The following REV1 variants were observed in gnomAD, a reference collection of about 807,000 sequenced individuals.
REV1 encodes translesion synthesis protein REV1.
REV1 carries 42 observed loss-of-function variants against 137.4 expected under a neutral mutation model. The ratio of observed to expected loss-of-function variants is 0.31; its 90% confidence interval spans 0.24 to 0.40. The LOEUF (loss-of-function observed/expected upper bound fraction) is 0.40. Ranked by LOEUF, REV1 falls within the 10% of genes least tolerant of loss-of-function variation. The pLI, the probability that REV1 is intolerant of heterozygous loss-of-function variation, is 1.00. For synonymous variants in REV1, 524 were observed against 519.2 expected (o/e 1.01, Z -0.12); for missense variants, 1,282 against 1,490.1 (o/e 0.86, Z 2.30).
intron 18 of REV1, among the ~76,000 whole-genome samples, 166 bp from the exon 19 acceptor site, chr2:99,403,981 G>C (rs574017444): frequency 6.6e-6 from 1 of 150,508 alleles, no homozygotes; most frequent in South Asian, 2.1e-4. Context: ...AAAATGGTTA[G>C]AGCAAGAATA....
intron 8 of REV1, chr2:99,432,007 G>T: frequency 1.5e-6 from 1 of 688,002 alleles, no homozygotes; most frequent in Non-Finnish European, 1.8e-6. Context: ...TTGTTCTTTA[G>T]AATGAAAACT....
In REV1 at chr2:99,401,156, C is replaced by G. The variant is rs889505116; in HGVS notation, c.*85G>C. Reference sequence around the variant, plus strand: ...AAGAAATTTAAAATTATAAAAACTCCGAGCATTACTATCATGCACTTTGCA... The same window carrying G: ...AAGAAATTTAAAATTATAAAAACTCGGAGCATTACTATCATGCACTTTGCA... On this transcript the variant is annotated 3_prime_UTR_variant, in exon 23 of 23. Transcript: ENST00000258428. The G allele has an allele frequency of 1.7e-5, 12 of 719,740 alleles. No homozygotes were observed. The South Asian group carries it at 2.8e-4, about 17-fold the overall frequency. The allele number at this position is 719,740 out of a possible 1,614,324, so 44.6% of individuals were successfully genotyped here.
intron 1 of REV1, among the ~76,000 whole-genome samples, chr2:99,481,257 T>C (rs929258851): frequency 2.0e-5 from 3 of 152,208 alleles, no homozygotes; most frequent in Non-Finnish European, 2.9e-5. Flanking sequence ...AATACCAAAA[T>C]TCAGATTTTT....
intron 1 of REV1, among the ~76,000 whole-genome samples, chr2:99,479,281 T>G (rs374544002): frequency 3.5e-5 from 5 of 143,468 alleles, no homozygotes; most frequent in African/African-American, 1.3e-4. Flanking sequence ...CAGCCGAGAT[T>G]AGGCTACTGC....
At chr2:99,401,415 CCT>C (rs943784973) in intron 22 of REV1, 63 bp from the exon 23 acceptor site, 5 of 1,073,658 alleles carry the variant, frequency 4.7e-6, no homozygotes, top group Non-Finnish European at 6.8e-6. Context: ...ACTAATTATT[CCT>C]TTTTATATAT....
chr2:99,454,116 C>G (rs933249279), intron 3 of REV1, among the ~76,000 whole-genome samples: 1 of 151,558 alleles, frequency 6.6e-6, no homozygotes, highest in South Asian at 2.1e-4. Flanking sequence ...TAACCTCAAC[C>G]TCCTGGTTCA....
At chr2:99,465,218 T>C (rs549352946) in intron 1 of REV1, among the ~76,000 whole-genome samples, 3 of 152,336 alleles carry the variant, frequency 2.0e-5, no homozygotes, top group African/African-American at 7.2e-5. Flanking sequence ...ATATTTAAAA[T>C]TCAATAGAAA....
At chr2:99,435,659 G>T in intron 7 of REV1, 175 bp downstream of exon 7, 1 of 476,346 alleles carries the variant, frequency 2.1e-6, no homozygotes, top group Non-Finnish European at 3.7e-6. Flanking sequence ...CCTATAGGGA[G>T]AAAGAAAAAC....
intron 12 of REV1, among the ~76,000 whole-genome samples, chr2:99,415,768 G>A (rs894383300): frequency 6.6e-6 from 1 of 152,240 alleles, no homozygotes; most frequent in African/African-American, 2.4e-5. Context: ...GGGATAGAGA[G>A]GGAATCCATA....
intron 12 of REV1, among the ~76,000 whole-genome samples, chr2:99,417,482 T>C (rs942478915): frequency 6.6e-6 from 1 of 152,076 alleles, no homozygotes; most frequent in Non-Finnish European, 1.5e-5. Flanking sequence ...CTTTAAAGGG[T>C]AATTAAGATA....
In REV1 at chr2:99,403,804, C is replaced by T. The variant is rs1675866134; in HGVS notation, c.3057G>A (p.Glu1019=). The T allele has an allele frequency of 6.2e-7, 1 of 1,614,126 alleles. No individual in the cohort carries two copies. The highest frequency in any genetic ancestry group is 8.5e-7 in the Non-Finnish European group (1 of 1,180,020). Residue 1019 remains glutamate, a synonymous_variant, in exon 19 of 23, where the codon GAG becomes GAA. Transcript: ENST00000258428. ...GTTCAGCAGGAAGGGCAGCAAATAC[C>T]TCAGGGTCCACCTAGTGGAAAAGAC... ...ALPAFSQVDP[E]VFAALPAELQ...
intron 8 of REV1, among the ~76,000 whole-genome samples, chr2:99,432,814 T>G (rs957547464): frequency 6.6e-6 from 1 of 152,216 alleles, no homozygotes; most frequent in Non-Finnish European, 1.5e-5. Context: ...GTGACTAAAC[T>G]GATGAAGACA....
chr2:99,471,828 T>C (rs1197030312), intron 1 of REV1, among the ~76,000 whole-genome samples: 1 of 143,850 alleles, frequency 7.0e-6, no homozygotes, highest in Non-Finnish European at 1.5e-5. Flanking sequence ...TTAATCACTA[T>C]GGAAATGCAA....
chr2:99,448,596 C>T (rs1195356772), intron 4 of REV1, among the ~76,000 whole-genome samples: 2 of 152,192 alleles, frequency 1.3e-5, no homozygotes, highest in Admixed American at 6.5e-5. Context: ...TGATGTATTA[C>T]CATGCTAAAA....
intron 15 of REV1, 116 bp from the exon 16 acceptor site, chr2:99,406,606 T>A (rs1676330707): frequency 2.5e-6 from 2 of 806,930 alleles, no homozygotes; most frequent in Admixed American, 7.0e-5. Context: ...GTTTCTAGAA[T>A]AAAGGTAAAT....
chr2:99,464,420 A>C (rs28369946), intron 2 of REV1, among the ~76,000 whole-genome samples: 2 of 152,328 alleles, frequency 1.3e-5, no homozygotes, highest in Non-Finnish European at 1.5e-5. Flanking sequence ...CCTATTCATT[A>C]AAACTTTGGG....
intron 15 of REV1, 54 bp from the exon 16 acceptor site, chr2:99,406,544 A>T: frequency 7.1e-7 from 1 of 1,406,618 alleles, no homozygotes; most frequent in Non-Finnish European, 9.5e-7. Context: ...GAAAATATGA[A>T]TTCAGCTAAG....
At chr2:99,469,937 C>T (rs893240772) in intron 1 of REV1, among the ~76,000 whole-genome samples, 3 of 151,722 alleles carry the variant, frequency 2.0e-5, no homozygotes, top group South Asian at 2.1e-4. Flanking sequence ...CTGGCTAAAA[C>T]GGTGAAACCC....
chr2:99,479,088 A>G lies in REV1; in HGVS notation c.-11+10729T>C, dbSNP rs572395090. The stretch of plus-strand genomic sequence containing the variant: ...CTCATACCTGTAATCCCAGCACTTT[A>G]GGAGACCGAGGTGGGCGGATCACGA... On this transcript the variant is annotated intron_variant, in intron 1 of 22. Coordinates refer to ENST00000258428, the MANE Select transcript of REV1 (RefSeq NM_016316.4). 2.0e-5 allele frequency among the ~76,000 whole-genome samples: 3 copies of G among 152,040 alleles called. No homozygotes were observed. In the East Asian group the frequency reaches 5.8e-4, roughly 30 times the overall value.
Sources: gnomAD v4.1 joint callset for allele counts (sites outside exome capture counted in the v4.1 genomes callset) on GRCh38, gnomAD v4.1.1 for gene constraint, MANE v1.5 for transcripts, NCBI Gene and HGNC (gene_info 2026-07-23, HGNC 2026-07-21) for gene names.